WDR43: variants seen among roughly 807,000 people sequenced by gnomAD.
WDR43 encodes WD repeat-containing protein 43.
A neutral mutation model predicts 91.4 loss-of-function variants in WDR43; 13 were observed. The ratio of observed to expected loss-of-function variants is 0.14; its 90% CI spans 0.09 to 0.23. WDR43 has a LOEUF of 0.23. WDR43 is among the 10% of genes least tolerant of loss of function. The probability of loss-of-function intolerance (pLI) is 1.00; values close to 1 mark genes in which losing one functional copy is unlikely to be tolerated. For synonymous variants in WDR43, 331 were observed against 287.9 expected (o/e 1.15, Z -1.51); for missense variants, 780 against 809.4 (o/e 0.96, Z 0.44).
intron 6 of WDR43, among the ~76,000 whole-genome samples, chr2:28,920,040 T>A (rs1208019600): frequency 6.6e-5 from 10 of 151,872 alleles, no homozygotes; most frequent in Admixed American, 6.6e-4. Context: ...GGTTTTGCCA[T>A]GTTGGCCAGC....
rs4621130 is a variant in WDR43 at position 28,939,072 on chromosome 2, C to T, written c.1620+1078C>T. Among the ~76,000 whole-genome samples, 588 of 79,888 alleles carry T rather than the reference C, an allele frequency of 7.4e-3. 101 individuals are homozygous for T. Among genetic ancestry groups the T allele is most frequent in the Non-Finnish European group, 0.013 (430 of 32,542 alleles). 52.4% of individuals were successfully genotyped at this position (79,888 alleles called of 152,430 possible). On this transcript the variant is annotated intron_variant, in intron 14 of 17. Transcript: ENST00000407426. ...GTGAGAGGGGTTTTTGGGAGGTGAC[C>T]TGGGAGCACTGGTGAGAGGGGTTTT...
At chr2:28,933,433 G>A (rs1671284822) in intron 11 of WDR43, among the ~76,000 whole-genome samples, 1 of 152,042 alleles carries the variant, frequency 6.6e-6, no homozygotes, top group African/African-American at 2.4e-5. Flanking sequence ...CAAAACTTCT[G>A]GGAAAAAACA....
At chr2:28,937,881 A>G (rs752646103) in intron 13 of WDR43, 50 bp from the exon 14 acceptor site, 1 of 1,589,036 alleles carries the variant, frequency 6.3e-7, no homozygotes, top group Non-Finnish European at 8.6e-7. Flanking sequence ...GCTCAGTTGA[A>G]TTTACTTTTG....
chr2:28,897,023 A>T (rs1010765627), intron 1 of WDR43, among the ~76,000 whole-genome samples: 2 of 152,180 alleles, frequency 1.3e-5, no homozygotes, highest in South Asian at 4.1e-4. Flanking sequence ...TCAAGCCTTA[A>T]TAACCAATAA....
At chr2:28,918,735 A>T (rs958204850) in intron 6 of WDR43, among the ~76,000 whole-genome samples, 1 of 152,132 alleles carries the variant, frequency 6.6e-6, no homozygotes, top group African/African-American at 2.4e-5. Context: ...AGAATTTTTC[A>T]TGTAAAAATT....
At chr2:28,900,122 G>A (rs890600184) in intron 1 of WDR43, among the ~76,000 whole-genome samples, 3 of 152,098 alleles carry the variant, frequency 2.0e-5, no homozygotes, top group African/African-American at 7.2e-5. Flanking sequence ...TTCACACATC[G>A]AGAAACTTCC....
intron 11 of WDR43, among the ~76,000 whole-genome samples, chr2:28,932,374 G>T (rs1671264869): frequency 6.6e-6 from 1 of 152,134 alleles, no homozygotes. Context: ...CGTTTGCCAG[G>T]ATGGTCTCAG....
At chr2:28,929,356 G>A (rs1376925256) in intron 10 of WDR43, among the ~76,000 whole-genome samples, 1 of 152,058 alleles carries the variant, frequency 6.6e-6, no homozygotes, top group East Asian at 1.9e-4. Context: ...TGCTTCTTGG[G>A]CCGTTGTTTT....
chr2:28,934,351 A>G (rs904049969), intron 11 of WDR43, among the ~76,000 whole-genome samples: 25 of 152,152 alleles, frequency 1.6e-4, no homozygotes, highest in African/African-American at 6.0e-4. Context: ...ATATCATAGT[A>G]TTTGTTTCAT....
intron 1 of WDR43, among the ~76,000 whole-genome samples, chr2:28,901,755 A>G (rs1320810276): frequency 6.6e-6 from 1 of 151,918 alleles, no homozygotes; most frequent in Admixed American, 6.6e-5. Flanking sequence ...AGGTTTTCCT[A>G]TTTGCTGCCT....
chr2:28,938,930 G>C (rs1671385114), intron 14 of WDR43, among the ~76,000 whole-genome samples: 2 of 151,976 alleles, frequency 1.3e-5, no homozygotes, highest in Admixed American at 6.5e-5. Flanking sequence ...AGGTGGCCTG[G>C]GAGCACTGGT....
At chr2:28,895,774 C>G (rs927511117) in intron 1 of WDR43, 1 of 152,222 alleles carries the variant, frequency 6.6e-6, no homozygotes, top group African/African-American at 2.4e-5. Context: ...CTACATCTCT[C>G]TAACTCAGCA....
intron 4 of WDR43, among the ~76,000 whole-genome samples, chr2:28,913,278 A>G (rs1443451456): frequency 6.6e-6 from 1 of 152,030 alleles, no homozygotes; most frequent in Non-Finnish European, 1.5e-5. Context: ...TTAAAATTTA[A>G]ATTTTATTAT....
intron 2 of WDR43, among the ~76,000 whole-genome samples, chr2:28,903,037 A>G (rs1364822583): frequency 6.6e-6 from 1 of 152,174 alleles, no homozygotes; most frequent in Non-Finnish European, 1.5e-5. Context: ...TCCTCTTAAT[A>G]ATTTGTATAT....
intron 11 of WDR43, among the ~76,000 whole-genome samples, chr2:28,934,229 G>GA (rs142187789): frequency 6.6e-6 from 1 of 152,134 alleles, no homozygotes; most frequent in African/African-American, 2.4e-5. Context: ...AAAAATTCTG[G>GA]AAAAGCAGAC....
At chr2:28,924,751 G>A (rs1307376985) in intron 7 of WDR43, among the ~76,000 whole-genome samples, 3 of 152,058 alleles carry the variant, frequency 2.0e-5, no homozygotes, top group African/African-American at 7.2e-5. Flanking sequence ...GAAAAAATGG[G>A]ACAGAGGGGG....
Position 28,946,920 on chromosome 2 carries a change from C to T in WDR43, c.*141C>T. The T allele has an allele frequency of 3.4e-6, 3 of 879,476 alleles. No homozygotes were observed. The highest frequency in any genetic ancestry group is 5.1e-6 in the Non-Finnish European group (3 of 593,578). 54.5% of individuals were successfully genotyped at this position (879,476 alleles called of 1,614,324 possible). A position where few individuals can be genotyped will look rare whatever the true frequency, so the allele number is the denominator to read the frequency against. ...GTGGATCCCATGCCACTTTGCTGTC[C>T]TGAGCACCCCAGACTTGACTGTGTA... On this transcript the variant is annotated 3_prime_UTR_variant, in exon 18 of 18. Transcript: ENST00000407426.
chr2:28,917,815 T>C (rs1243705838), intron 5 of WDR43, 78 bp from the exon 6 acceptor site: 15 of 1,250,122 alleles, frequency 1.2e-5, no homozygotes, highest in Non-Finnish European at 1.5e-5. Flanking sequence ...CTGATCTCCA[T>C]GCCTCCTTAG....
At chr2:28,915,041 G>A (rs547714480) in intron 5 of WDR43, among the ~76,000 whole-genome samples, 2 of 151,378 alleles carry the variant, frequency 1.3e-5, no homozygotes, top group South Asian at 4.2e-4. Flanking sequence ...CCACCTTGCT[G>A]TTTATGGACA....
Sources: gnomAD v4.1 joint callset for allele counts (sites outside exome capture counted in the v4.1 genomes callset) on GRCh38, gnomAD v4.1.1 for gene constraint, MANE v1.5 for transcripts, NCBI Gene and HGNC (gene_info 2026-07-23, HGNC 2026-07-21) for gene names.